The following FGF14 variants were observed in gnomAD, a reference collection of about 807,000 sequenced individuals.
FGF14 encodes fibroblast growth factor 14.
Under a neutral mutation model 25.5 loss-of-function variants are expected in FGF14, and 5 were observed. The ratio of observed to expected loss-of-function variants is 0.20; its 90% CI spans 0.10 to 0.41. FGF14 has a LOEUF of 0.41. Among genes scored for constraint, FGF14 ranks in the 10% least tolerant of loss-of-function variants. The pLI is 1.00. For synonymous variants in FGF14, 138 were observed against 118.3 expected (o/e 1.17, Z -1.08); for missense variants, 222 against 320.1 (o/e 0.69, Z 2.34).
intron 1 of FGF14, among the ~76,000 whole-genome samples, chr13:102,168,854 A>G (rs1341466632): frequency 1.3e-5 from 2 of 152,130 alleles, no homozygotes; most frequent in Non-Finnish European, 2.9e-5. Flanking sequence ...ACAAACACAC[A>G]CTGAAGATCT....
At chr13:101,726,892 C>G in intron 3 of FGF14, 82 bp from the exon 4 acceptor site, 1 of 1,097,352 alleles carries the variant, frequency 9.1e-7, no homozygotes, top group South Asian at 1.3e-5. Context: ...AGAAAGTTTC[C>G]CAGCATGGTG....
intron 1 of FGF14, among the ~76,000 whole-genome samples, chr13:102,099,513 AG>A (rs1215521222): frequency 2.0e-5 from 3 of 152,164 alleles, no homozygotes; most frequent in Non-Finnish European, 2.9e-5. Flanking sequence ...ACACTGCACA[AG>A]GAAGTTTATG....
At chr13:102,131,886 T>C (rs1259462864) in intron 1 of FGF14, among the ~76,000 whole-genome samples, 2 of 152,246 alleles carry the variant, frequency 1.3e-5, no homozygotes, top group East Asian at 3.9e-4. Flanking sequence ...TTCATCGAAA[T>C]AGCAGAAATA....
chr13:102,150,519 T>C (rs558344363), intron 1 of FGF14, among the ~76,000 whole-genome samples: 1 of 152,282 alleles, frequency 6.6e-6, no homozygotes, highest in Admixed American at 6.5e-5. Context: ...ACTCCATGCT[T>C]TGTGGTCGTT....
At chr13:101,781,404 C>T (rs533657434) in intron 3 of FGF14, among the ~76,000 whole-genome samples, 35 of 152,158 alleles carry the variant, frequency 2.3e-4, no homozygotes, top group African/African-American at 7.5e-4. Context: ...TGCCTGATCA[C>T]GATAGAAACT....
chr13:102,046,109 G>A (rs667685), intron 1 of FGF14: 84,579 of 154,182 alleles, frequency 0.55, 26,251 homozygotes, highest in African/African-American at 0.84. Context: ...GATGCCTTTT[G>A]TTCTTGCCTG....
intron 2 of FGF14, among the ~76,000 whole-genome samples, chr13:101,869,747 G>A (rs1160788220): frequency 6.6e-6 from 1 of 152,182 alleles, no homozygotes; most frequent in African/African-American, 2.4e-5. Flanking sequence ...AAATAGTGAT[G>A]TAAGTGTAAG....
intron 1 of FGF14, among the ~76,000 whole-genome samples, chr13:101,878,622 G>A (rs1201507800): frequency 1.3e-5 from 2 of 151,998 alleles, no homozygotes; most frequent in Admixed American, 6.6e-5. Context: ...TCTTTTACAT[G>A]GATTTTGTGG....
intron 3 of FGF14, among the ~76,000 whole-genome samples, chr13:101,792,733 G>T (rs2040307901): frequency 6.6e-6 from 1 of 152,052 alleles, no homozygotes; most frequent in Non-Finnish European, 1.5e-5. Context: ...AAAATGAGGA[G>T]AATTCACATA....
chr13:102,268,909 T>C (rs1193205069), intron 1 of FGF14, among the ~76,000 whole-genome samples: 2 of 152,168 alleles, frequency 1.3e-5, no homozygotes, highest in African/African-American at 2.4e-5. Context: ...AAGAAGATCA[T>C]TCAATAGGTT....
chr13:102,313,123 G>T (rs904276063), intron 1 of FGF14, among the ~76,000 whole-genome samples: 1 of 152,180 alleles, frequency 6.6e-6, no homozygotes, highest in Admixed American at 6.5e-5. Context: ...AAAAGGCAGG[G>T]CCAAGCAAGG....
At chr13:101,791,994 G>T (rs963846904) in intron 3 of FGF14, among the ~76,000 whole-genome samples, 1 of 152,102 alleles carries the variant, frequency 6.6e-6, no homozygotes, top group African/African-American at 2.4e-5. Flanking sequence ...AACATAAATA[G>T]AAATTATTAC....
intron 1 of FGF14, among the ~76,000 whole-genome samples, chr13:101,964,763 T>TC (rs2037081023): frequency 6.6e-6 from 1 of 152,252 alleles, no homozygotes; most frequent in South Asian, 2.1e-4. Flanking sequence ...TTTCATTTTT[T>TC]TTCTTTCTTT....
At chr13:102,027,179 G>T (rs1169278229) in intron 1 of FGF14, among the ~76,000 whole-genome samples, 1 of 151,282 alleles carries the variant, frequency 6.6e-6, no homozygotes, top group African/African-American at 2.4e-5. Context: ...ATTAGCAGGG[G>T]TTTAATCAAC....
At chr13:102,398,674 T>C (rs1485015721) in intron 1 of FGF14, among the ~76,000 whole-genome samples, 7 of 152,024 alleles carry the variant, frequency 4.6e-5, no homozygotes, top group African/African-American at 1.7e-4. Flanking sequence ...CCCAATTAAC[T>C]TTTTAGTTCT....
intron 1 of FGF14, among the ~76,000 whole-genome samples, chr13:101,981,621 T>A (rs142502839): frequency 7.0e-6 from 1 of 143,376 alleles, no homozygotes; most frequent in Non-Finnish European, 1.5e-5. Flanking sequence ...ATGAAACCCA[T>A]AGGAGAGAAA....
intron 1 of FGF14, chr13:102,367,976 T>C (rs992550423): frequency 6.6e-6 from 1 of 152,188 alleles, no homozygotes; most frequent in South Asian, 2.1e-4. Flanking sequence ...CCTGTTACTT[T>C]TCCCTGCGGC....
At chr13:101,916,384 T>C in intron 1 of FGF14, 69 bp downstream of exon 1, 1 of 1,576,736 alleles carries the variant, frequency 6.3e-7, no homozygotes, top group Non-Finnish European at 8.7e-7. Flanking sequence ...GGAAGGAGCC[T>C]GGAGAAGCTC....
chr13:101,900,554 G>A (rs997695080), intron 1 of FGF14, among the ~76,000 whole-genome samples: 12 of 152,028 alleles, frequency 7.9e-5, no homozygotes, highest in Admixed American at 5.9e-4. Context: ...TACAATATTA[G>A]GTAAAAGAAG....
Sources: allele counts gnomAD v4.1 joint callset (sites outside exome capture counted in the v4.1 genomes callset), GRCh38; gene constraint gnomAD v4.1.1; transcripts MANE v1.5; gene names NCBI Gene and HGNC (gene_info 2026-07-23, HGNC 2026-07-21).